Variants in NIPBL observed in about 807,000 individuals in gnomAD.
The protein encoded by NIPBL is NIPBL cohesin loading factor.
Under a neutral mutation model 321.8 loss-of-function variants are expected in NIPBL, and 19 were observed. The observed-to-expected ratio is 0.06, with a 90% CI of 0.04 to 0.09. NIPBL has a LOEUF of 0.09. NIPBL is among the 10% of genes least tolerant of loss of function. The pLI is 1.00. For missense variants in NIPBL, 2,210 were observed against 3,327.0 expected, an observed-to-expected ratio of 0.66 and a Z score of 8.26; for synonymous variants, 1,106 against 1,114.1, an observed-to-expected ratio of 0.99 and a Z score of 0.14.
chr5:36,933,494 T>C (rs1028226451), intron 1 of NIPBL, among the ~76,000 whole-genome samples: 3 of 152,104 alleles, frequency 2.0e-5, no homozygotes, highest in African/African-American at 4.8e-5. Flanking sequence ...TTTCTGGACT[T>C]TAGTCTTGGA....
At chr5:36,987,956 C>G (rs1745027831) in intron 10 of NIPBL, among the ~76,000 whole-genome samples, 1 of 152,054 alleles carries the variant, frequency 6.6e-6, no homozygotes, top group Non-Finnish European at 1.5e-5. Context: ...TATTTATAAA[C>G]TAAAGAGTAT....
At chr5:36,896,203 T>C (rs1038146875) in intron 1 of NIPBL, among the ~76,000 whole-genome samples, 1 of 152,240 alleles carries the variant, frequency 6.6e-6, no homozygotes, top group African/African-American at 2.4e-5. Context: ...TCCCATTGAA[T>C]GGTCTTGGCA....
intron 1 of NIPBL, among the ~76,000 whole-genome samples, chr5:36,935,803 GC>G (rs957141464): frequency 6.6e-6 from 1 of 152,004 alleles, no homozygotes; most frequent in Non-Finnish European, 1.5e-5. Context: ...GTCTTTCCTT[GC>G]CTCTTCCAGC....
intron 22 of NIPBL, 51 bp downstream of exon 22, chr5:37,014,816 T>C: frequency 1.9e-6 from 2 of 1,069,720 alleles, no homozygotes; most frequent in South Asian, 2.5e-5. Flanking sequence ...GTATAGAGAA[T>C]AGTTCATTTT....
chr5:36,978,631 CT>C (rs1360124481), intron 9 of NIPBL, among the ~76,000 whole-genome samples: 6 of 151,868 alleles, frequency 4.0e-5, no homozygotes, highest in African/African-American at 1.4e-4. Flanking sequence ...GTTGTTTTTG[CT>C]TTTTAGGTCT....
chr5:37,013,338 G>A (rs1194165920), intron 21 of NIPBL, among the ~76,000 whole-genome samples: 1 of 151,266 alleles, frequency 6.6e-6, no homozygotes, highest in Non-Finnish European at 1.5e-5. Flanking sequence ...GGCTGGCCGG[G>A]CGGGGGGCTG....
At chr5:36,908,072 C>T (rs1015665709) in intron 1 of NIPBL, among the ~76,000 whole-genome samples, 1 of 152,138 alleles carries the variant, frequency 6.6e-6, no homozygotes, top group African/African-American at 2.4e-5. Flanking sequence ...TAGTATGCAT[C>T]CTTTTGAAAG....
At chr5:36,925,848 CTTAT>C (rs1749322129) in intron 1 of NIPBL, among the ~76,000 whole-genome samples, 1 of 152,158 alleles carries the variant, frequency 6.6e-6, no homozygotes, top group Non-Finnish European at 1.5e-5. Context: ...TCCATTCTTA[CTTAT>C]TTCTGTCCAA....
chr5:37,010,716 T>C (rs181274375), intron 21 of NIPBL, among the ~76,000 whole-genome samples: 115 of 152,292 alleles, frequency 7.6e-4, no homozygotes, highest in African/African-American at 2.5e-3. Context: ...CTATCAGTCA[T>C]AAAACATATA....
In NIPBL at chr5:36,918,025, G is replaced by A. The variant is rs547738166; in HGVS notation, c.-79-35593G>A. Among the ~76,000 whole-genome samples the A allele has an allele frequency of 8.4e-4, 127 of 151,920 alleles. 1 individual carries two copies. Among genetic ancestry groups the A allele is most frequent in the African/African-American group, 1.9e-3 (78 of 41,344 alleles). On this transcript the variant is annotated intron_variant, in intron 1 of 46. Coordinates refer to ENST00000282516, the MANE Select transcript of NIPBL (RefSeq NM_133433.4). ...AATGTGGGCTCTTTTTTGGTTCCAT[G>A]TGAACTTTAAAGTAGTTTTTTCCAA...
At position 37,002,673 on chromosome 5, in the gene NIPBL, G is replaced by A. The variant is rs1161402695; in HGVS notation, c.3676G>A (p.Glu1226Lys). The change falls in exon 15 of 47, where the codon GAA becomes AAA. Residue 1226 changes from glutamate (E) to lysine (K), a missense_variant. This residue lies in a region of NIPBL where 381 missense variants were observed against 642.3 expected (regional missense o/e 0.59). Coordinates refer to ENST00000282516, the MANE Select transcript of NIPBL (RefSeq NM_133433.4). ...GCTTGATTTTGCAGGTGATGATGAT[G>A]AAATTCCTCAGGAACTGCTCTTAGG... is the stretch of plus-strand genomic sequence containing the variant. ...MDFTAFGDDD[E>K]IPQELLLGKH... 1 of 1,609,076 alleles carries A rather than the reference G, an allele frequency of 6.2e-7. No individual in the cohort carries two copies. Among genetic ancestry groups the A allele is most frequent in the African/African-American group, 1.3e-5 (1 of 74,906 alleles).
chr5:36,901,504 T>G (rs1412685231), intron 1 of NIPBL, among the ~76,000 whole-genome samples: 1 of 131,478 alleles, frequency 7.6e-6, no homozygotes, highest in Non-Finnish European at 1.5e-5. Context: ...TAAGTCCTTT[T>G]TTTTTTTTTT....
intron 5 of NIPBL, 118 bp downstream of exon 5, chr5:36,961,701 C>T: frequency 2.6e-6 from 2 of 771,176 alleles, no homozygotes; most frequent in Non-Finnish European, 4.6e-6. Context: ...AGTTGAAATA[C>T]TTAAATAGTA....
intron 14 of NIPBL, 75 bp from the exon 15 acceptor site, chr5:37,002,587 G>A: frequency 9.9e-7 from 1 of 1,013,120 alleles, no homozygotes; most frequent in Non-Finnish European, 1.6e-6. Context: ...AATTTTATTA[G>A]AAAGTTAAGC....
intron 1 of NIPBL, among the ~76,000 whole-genome samples, chr5:36,925,008 G>A (rs887810591): frequency 4.6e-5 from 7 of 152,080 alleles, no homozygotes; most frequent in Admixed American, 4.6e-4. Context: ...AATATTTTAC[G>A]ATGCTACTAA....
intron 1 of NIPBL, among the ~76,000 whole-genome samples, chr5:36,950,825 T>G (rs1280920741): frequency 6.6e-6 from 1 of 152,154 alleles, no homozygotes; most frequent in Non-Finnish European, 1.5e-5. Flanking sequence ...TTGTGTTTGT[T>G]CATGTTTAGA....
At chr5:36,947,640 C>T (rs983321874) in intron 1 of NIPBL, among the ~76,000 whole-genome samples, 1 of 151,882 alleles carries the variant, frequency 6.6e-6, no homozygotes, top group Admixed American at 6.6e-5. Context: ...TTTAAATATT[C>T]AGAGAAATCT....
rs587783988 is a variant in NIPBL at position 36,962,262 on chromosome 5, C to G, written c.598C>G (p.Gln200Glu). ...TCCTTCAAGTTACACAACACATCCA[C>G]AGATGCAACAAGGTAAGAAAGTTGT... ...SHPSSYTTHP[Q>E]MQQASVSSPI... Residue 200 changes from glutamine (Q) to glutamate (E), a missense_variant, in exon 6 of 47, where the codon CAG (glutamine) becomes GAG (glutamate). Transcript: ENST00000282516. The G allele has an allele frequency of 3.7e-6, 6 of 1,614,060 alleles. No individual in the cohort carries two copies. In the Admixed American group the frequency reaches 1.0e-4, roughly 27 times the overall value.
At chr5:36,917,487 A>G (rs150483880) in intron 1 of NIPBL, among the ~76,000 whole-genome samples, 43 of 152,122 alleles carry the variant, frequency 2.8e-4, no homozygotes, top group African/African-American at 1.0e-3. Context: ...AAGCTCTTTA[A>G]TTAGATCCCA....
Sources: allele counts gnomAD v4.1 joint callset (sites outside exome capture counted in the v4.1 genomes callset), GRCh38; gene constraint gnomAD v4.1.1; regional missense constraint gnomAD v4.1.1; transcripts MANE v1.5; gene names NCBI Gene and HGNC (gene_info 2026-07-23, HGNC 2026-07-21).